MS4A7: variants seen among roughly 807,000 people sequenced by gnomAD.
MS4A7 encodes membrane-spanning 4-domains subfamily A member 7.
In MS4A7, 21 loss-of-function variants were observed where a neutral mutation model predicts 23.5. The observed-to-expected ratio is 0.89, with a 90% CI of 0.63 to 1.29. MS4A7 has a LOEUF of 1.29. MS4A7 is among the 50% of genes most tolerant of loss of function. The probability of loss-of-function intolerance (pLI) is 0.00; values close to 1 mark genes in which losing one functional copy is unlikely to be tolerated. For missense variants in MS4A7, 263 were observed against 274.2 expected, an observed-to-expected ratio of 0.96 and a Z score of 0.29; for synonymous variants, 111 against 107.4, an observed-to-expected ratio of 1.03 and a Z score of -0.21.
intron 3 of MS4A7, 89 bp downstream of exon 3, chr11:60,385,311 C>T: frequency 2.7e-6 from 4 of 1,505,200 alleles, no homozygotes; most frequent in Non-Finnish European, 3.6e-6. Context: ...TCCAAGAGGC[C>T]AGGAGGCAAA....
At chr11:60,382,417 A>G (rs1302303841) in intron 1 of MS4A7, among the ~76,000 whole-genome samples, 1 of 152,226 alleles carries the variant, frequency 6.6e-6, no homozygotes, top group Non-Finnish European at 1.5e-5. Context: ...ATTTCATTCA[A>G]TAAAAGTCAC....
rs2085587829 is a variant in MS4A7, at chr11:60,394,370, A to G, written c.*509A>G. On this transcript the variant is annotated 3_prime_UTR_variant, in exon 7 of 7. Transcript: ENST00000300184. ...TGAGCCATTAGGTGGAAGACAGCAA[A>G]GAGATCTTCTCAAGTGCTTAGGATT... 6.5e-6 allele frequency: 1 copy of G among 152,686 alleles called. No homozygotes were observed. The highest frequency in any genetic ancestry group is 2.1e-4 in the South Asian group (1 of 4,834). The allele number at this position is 152,686 out of a possible 1,614,324, so 9.5% of individuals were successfully genotyped here. A position where few individuals can be genotyped will look rare whatever the true frequency, so the allele number is the denominator to read the frequency against.
intron 3 of MS4A7, among the ~76,000 whole-genome samples, chr11:60,386,021 A>G (rs2135099254): frequency 6.6e-6 from 1 of 152,270 alleles, no homozygotes; most frequent in Admixed American, 6.5e-5. Flanking sequence ...TCCTGTAACC[A>G]GTGGTTGTGG....
chr11:60,385,123 T>C lies in MS4A7; in HGVS notation c.183T>C (p.Ser61=). The C allele has an allele frequency of 6.2e-7, 1 of 1,614,076 alleles. No homozygotes were observed. The highest frequency in any genetic ancestry group is 1.1e-5 in the South Asian group (1 of 91,074). The change falls in exon 3 of 7, where the codon AGT becomes AGC. Residue 61 remains serine (S), a synonymous_variant. Transcript: ENST00000300184. ...VQILCCLLIS[S]LGAILVFAPY... ...TCCTGTGTTGCCTGTTGATTTCAAG[T>C]CTGGGGGCCATCTTGGTTTTTGCTC...
intron 1 of MS4A7, among the ~76,000 whole-genome samples, chr11:60,381,809 A>T (rs927270069): frequency 1.3e-5 from 2 of 152,146 alleles, no homozygotes; most frequent in Admixed American, 6.5e-5. Context: ...TAACTGGTGG[A>T]TATGGGATCT....
intron 1 of MS4A7, among the ~76,000 whole-genome samples, chr11:60,381,736 A>G (rs955003541): frequency 6.6e-6 from 1 of 152,200 alleles, no homozygotes; most frequent in Non-Finnish European, 1.5e-5. Flanking sequence ...GTGTCATCTT[A>G]TCCAACCTGT....
rs781435399 is a variant in MS4A7, at chr11:60,392,715, G to A, written c.577G>A (p.Val193Met). ...GVLVVMLIFT[V>M]LELLLAAYSS... is the part of the protein sequence containing the mutation. The stretch of plus-strand genomic sequence containing the variant: ...CCTAGTGGTGATGCTCATCTTCACT[G>A]TGCTGGAGCTCTTATTAGCTGCATA... Residue 193 changes from valine (V) to methionine (M), a missense_variant, in exon 6 of 7, where the codon GTG becomes ATG. Coordinates refer to ENST00000300184, the MANE Select transcript of MS4A7 (RefSeq NM_021201.5). 16 of 1,613,922 alleles carry A rather than the reference G, an allele frequency of 9.9e-6. No homozygotes were observed. In the South Asian group the frequency reaches 1.8e-4, roughly 18 times the overall value.
intron 1 of MS4A7, among the ~76,000 whole-genome samples, chr11:60,379,059 G>T (rs1590788276): frequency 6.6e-6 from 1 of 152,300 alleles, no homozygotes; most frequent in African/African-American, 2.4e-5. Flanking sequence ...TTCAAAGCAC[G>T]GATTTTAGAG....
chr11:60,381,043 G>A (rs768649308), intron 1 of MS4A7, among the ~76,000 whole-genome samples: 8 of 152,216 alleles, frequency 5.3e-5, no homozygotes, highest in African/African-American at 1.2e-4. Flanking sequence ...CTCTGAGACT[G>A]CAGATTAAAT....
chr11:60,380,644 G>A (rs200660328), intron 1 of MS4A7, among the ~76,000 whole-genome samples: 23 of 152,218 alleles, frequency 1.5e-4, no homozygotes, highest in African/African-American at 5.5e-4. Flanking sequence ...GGCTGGTGAC[G>A]AAGACTAGTA....
At chr11:60,389,637 C>A (rs1208004484) in intron 5 of MS4A7, 41 bp downstream of exon 5, 1 of 1,545,858 alleles carries the variant, frequency 6.5e-7, no homozygotes, top group South Asian at 1.1e-5. Flanking sequence ...TGTGAAATCT[C>A]TGTGTCTCCC....
intron 1 of MS4A7, among the ~76,000 whole-genome samples, chr11:60,381,687 GT>G (rs1298217396): frequency 3.3e-5 from 5 of 152,208 alleles, no homozygotes; most frequent in Non-Finnish European, 7.3e-5. Flanking sequence ...TGTTTTGGGA[GT>G]TTATCACATG....
chr11:60,390,721 C>T (rs1242984742), intron 5 of MS4A7, among the ~76,000 whole-genome samples: 1 of 152,002 alleles, frequency 6.6e-6, no homozygotes, highest in Non-Finnish European at 1.5e-5. Flanking sequence ...AAACTGCTTC[C>T]CATTCTGAGA....
intron 5 of MS4A7, 54 bp from the exon 6 acceptor site, chr11:60,392,631 A>T: frequency 7.1e-7 from 1 of 1,416,714 alleles, no homozygotes; most frequent in South Asian, 1.2e-5. Context: ...CCTCTTAGCC[A>T]GGCACAAGGG....
Position 60,394,838 on chromosome 11 carries a change from A to G in MS4A7, c.*977A>G. The G allele has an allele frequency of 2.4e-6, 1 of 414,470 alleles. No individual in the cohort carries two copies. The highest frequency in any genetic ancestry group is 7.0e-5 in the South Asian group (1 of 14,270). 25.7% of individuals were successfully genotyped at this position (414,470 alleles called of 1,614,324 possible). On this transcript the variant is annotated 3_prime_UTR_variant, in exon 7 of 7. Transcript: ENST00000300184. ...AAAAAATAAATAAAAATAAAAATAG[A>G]CTATATATAGTCTTTGAATTCATTT...
chr11:60,393,381 G>T (rs967221057), intron 6 of MS4A7, among the ~76,000 whole-genome samples: 1 of 152,170 alleles, frequency 6.6e-6, no homozygotes, highest in Admixed American at 6.5e-5. Flanking sequence ...ACAGCTACCT[G>T]CCTCCCGAGA....
In MS4A7 at chr11:60,395,162, TC is replaced by T. The variant is rs1241184491; in HGVS notation, c.*1304del. Reference sequence around the variant, plus strand: ...TGTACCACATGGGCGTATTCTTTCTTCCCAGTCATTGCTGCAATTATCTTGT... The same window carrying T: ...TGTACCACATGGGCGTATTCTTTCTTCCAGTCATTGCTGCAATTATCTTGT... On this transcript the variant is annotated 3_prime_UTR_variant, in exon 7 of 7. Transcript: ENST00000300184. 2.7e-6 allele frequency: 1 copy of T among 371,602 alleles called. No homozygotes were observed. Among genetic ancestry groups the T allele is most frequent in the African/African-American group, 2.1e-5 (1 of 48,190 alleles). The allele number at this position is 371,602 out of a possible 1,614,324, so 23.0% of individuals were successfully genotyped here.
chr11:60,389,709 G>A (rs1682874650), intron 5 of MS4A7, 113 bp downstream of exon 5: 1 of 975,646 alleles, frequency 1.0e-6, no homozygotes, highest in East Asian at 2.5e-5. Flanking sequence ...CCTGGAGACA[G>A]ACAGAAATAA....
At chr11:60,390,227 T>C (rs1378688267) in intron 5 of MS4A7, among the ~76,000 whole-genome samples, 4 of 152,184 alleles carry the variant, frequency 2.6e-5, no homozygotes, top group African/African-American at 4.8e-5. Flanking sequence ...ATTTGACTTC[T>C]AGAAAAAATG....
Sources: gnomAD v4.1 joint callset for allele counts (sites outside exome capture counted in the v4.1 genomes callset) on GRCh38, gnomAD v4.1.1 for gene constraint, MANE v1.5 for transcripts, NCBI Gene and HGNC (gene_info 2026-07-23, HGNC 2026-07-21) for gene names.